The following ITPK1 variants were observed in gnomAD, a reference collection of about 807,000 sequenced individuals.
ITPK1 encodes inositol-tetrakisphosphate 1-kinase.
A neutral mutation model predicts 45.3 loss-of-function variants in ITPK1; 21 were observed. The ratio of observed to expected loss-of-function variants is 0.46; its 90% confidence interval spans 0.33 to 0.67. The LOEUF is 0.67. ITPK1 is among the 30% of genes least tolerant of loss of function. The pLI is 0.02. For synonymous variants in ITPK1, 258 were observed against 253.6 expected (o/e 1.02, Z -0.16); for missense variants, 474 against 573.5 (o/e 0.83, Z 1.77).
intron 4 of ITPK1, among the ~76,000 whole-genome samples, chr14:93,011,747 T>C (rs1887921289): frequency 6.6e-6 from 1 of 152,112 alleles, no homozygotes; most frequent in African/African-American, 2.4e-5. Flanking sequence ...TTCTTCAACT[T>C]GGACGCACCT....
chr14:93,035,591 C>A (rs144966909), intron 3 of ITPK1, among the ~76,000 whole-genome samples: 1 of 135,130 alleles, frequency 7.4e-6, no homozygotes, highest in African/African-American at 2.7e-5. Context: ...GGAAACAGGA[C>A]GGGAGGGAGG....
intron 2 of ITPK1, among the ~76,000 whole-genome samples, chr14:93,095,550 G>C (rs1017561040): frequency 6.6e-6 from 1 of 151,326 alleles, no homozygotes; most frequent in African/African-American, 2.4e-5. Flanking sequence ...GCTTTTAAAA[G>C]GGTCACCTAG....
chr14:92,997,445 A>T (rs1363856326), intron 4 of ITPK1, among the ~76,000 whole-genome samples: 1 of 152,220 alleles, frequency 6.6e-6, no homozygotes, highest in African/African-American at 2.4e-5. Flanking sequence ...CATCAGCATT[A>T]ACAGAAGAAT....
intron 4 of ITPK1, among the ~76,000 whole-genome samples, chr14:93,011,943 C>T (rs554826354): frequency 1.1e-4 from 17 of 151,952 alleles, no homozygotes; most frequent in African/African-American, 3.1e-4. Flanking sequence ...CCTCAAGCTC[C>T]GGCCTTGCTG....
chr14:93,004,771 G>C (rs3783911), intron 4 of ITPK1, among the ~76,000 whole-genome samples: 2 of 151,494 alleles, frequency 1.3e-5, no homozygotes, highest in Non-Finnish European at 2.9e-5. Flanking sequence ...AGGAGCAGAG[G>C]AGTGTGGGTG....
rs779848454 is a variant in ITPK1 at position 93,115,098 on chromosome 14, C to T, written c.66G>A (p.Leu22=). Residue 22 remains leucine, a synonymous_variant, in exon 2 of 11, where the codon CTG becomes CTA. Transcript: ENST00000267615. The part of the protein sequence containing the change: ...YWLSEKKIKK[L]NFQAFAELCR... Reference sequence around the variant, plus strand: ...ACAGCTCGGCGAAGGCCTGGAAATTCAGCTTCTTGATTTTCTTCTCGCTCA... The same window carrying T: ...ACAGCTCGGCGAAGGCCTGGAAATTTAGCTTCTTGATTTTCTTCTCGCTCA... 4 of 1,601,522 alleles carry T rather than the reference C, an allele frequency of 2.5e-6. No homozygotes were observed. The highest frequency in any genetic ancestry group is 2.3e-5 in the East Asian group (1 of 43,042).
At chr14:92,971,148 C>A (rs925527012) in intron 5 of ITPK1, among the ~76,000 whole-genome samples, 2 of 152,220 alleles carry the variant, frequency 1.3e-5, no homozygotes. Flanking sequence ...AAGGGCCCCA[C>A]GCTGCTCATC....
chr14:92,992,657 C>T (rs961964479), intron 5 of ITPK1, among the ~76,000 whole-genome samples: 2 of 152,236 alleles, frequency 1.3e-5, no homozygotes, highest in Non-Finnish European at 2.9e-5. Flanking sequence ...ACTCTCCAGG[C>T]CAGGGTCCTC....
chr14:92,946,577 C>A, intron 9 of ITPK1, 84 bp from the exon 10 acceptor site: 1 of 1,342,378 alleles, frequency 7.4e-7, no homozygotes, highest in Non-Finnish European at 1.0e-6. Context: ...ACACCAGCTG[C>A]CACGAGGCCC....
At chr14:93,111,004 TCATCCCTCATCCCTCATCCCTC>T (rs371630040) in intron 2 of ITPK1, among the ~76,000 whole-genome samples, 4,350 of 151,862 alleles carry the variant, frequency 0.029, 107 homozygotes, top group Admixed American at 0.083. Flanking sequence ...AGGGATGTCC[TCATCCCTCATCCCTCATCCCTC>T]CATCCCTCAT....
intron 2 of ITPK1, among the ~76,000 whole-genome samples, chr14:93,109,806 T>C (rs888257008): frequency 6.6e-6 from 1 of 152,166 alleles, no homozygotes; most frequent in Admixed American, 6.5e-5. Context: ...CCCACATCCC[T>C]GCAAGATGAT....
chr14:93,003,127 G>C (rs1223902708), intron 4 of ITPK1, among the ~76,000 whole-genome samples: 1 of 152,212 alleles, frequency 6.6e-6, no homozygotes, highest in Non-Finnish European at 1.5e-5. Flanking sequence ...GCTGAATGGA[G>C]TGGCCCCTGC....
At chr14:93,094,984 T>C (rs1254822483) in intron 2 of ITPK1, among the ~76,000 whole-genome samples, 1 of 152,212 alleles carries the variant, frequency 6.6e-6, no homozygotes, top group African/African-American at 2.4e-5. Flanking sequence ...CCCTCAAACA[T>C]ACCTCTCAAG....
intron 2 of ITPK1, among the ~76,000 whole-genome samples, chr14:93,113,023 G>T (rs971821517): frequency 6.6e-6 from 1 of 151,986 alleles, no homozygotes; most frequent in East Asian, 1.9e-4. Flanking sequence ...TAATAAATAA[G>T]AAACGGAAAA....
chr14:93,016,935 G>A lies in ITPK1; in HGVS notation c.121-134C>T, dbSNP rs1888213700. On this transcript the variant is annotated intron_variant, in intron 3 of 10. Transcript: ENST00000267615. This position sits in a 1 kb window ranked among gnomAD's most constrained non-coding sequence, Gnocchi z 5.0. ...CTGTAGCACTCTGGAGATGGGGCAG[G>A]AGGAGGGCTGACATGGAAAATACAG... The A allele has an allele frequency of 8.7e-7, 1 of 1,146,446 alleles. No individual in the cohort carries two copies. Among genetic ancestry groups the A allele is most frequent in the Admixed American group, 2.5e-5 (1 of 40,690 alleles). The allele number at this position is 1,146,446 out of a possible 1,614,324, so 71.0% of individuals were successfully genotyped here. A position where few individuals can be genotyped will look rare whatever the true frequency, so the allele number is the denominator to read the frequency against.
chr14:93,052,782 G>A (rs1233496176), intron 3 of ITPK1, among the ~76,000 whole-genome samples: 2 of 152,178 alleles, frequency 1.3e-5, no homozygotes, highest in African/African-American at 4.8e-5. Context: ...CCAGGGTTCA[G>A]TCCCTCACTC....
intron 3 of ITPK1, among the ~76,000 whole-genome samples, chr14:93,074,394 C>G (rs1489825302): frequency 1.3e-5 from 2 of 152,216 alleles, no homozygotes; most frequent in Non-Finnish European, 2.9e-5. Flanking sequence ...TCTAAATCTT[C>G]CCAGAATGCC....
chr14:93,106,480 G>C (rs988872003), intron 2 of ITPK1, among the ~76,000 whole-genome samples: 12 of 152,198 alleles, frequency 7.9e-5, no homozygotes, highest in African/African-American at 2.4e-4. Context: ...GTAGAGGCCA[G>C]GGTGTGTGGC....
intron 3 of ITPK1, among the ~76,000 whole-genome samples, chr14:93,040,375 G>A (rs996828512): frequency 6.6e-6 from 1 of 152,206 alleles, no homozygotes; most frequent in Non-Finnish European, 1.5e-5. Context: ...CAGGGGTAGG[G>A]AGGGGAGATA....
Sources: gnomAD v4.1 joint callset for allele counts (sites outside exome capture counted in the v4.1 genomes callset) on GRCh38, gnomAD v4.1.1 for gene constraint, Gnocchi (gnomAD v3.1) non-coding constraint, MANE v1.5 for transcripts, NCBI Gene and HGNC (gene_info 2026-07-23, HGNC 2026-07-21) for gene names.